KCNT2: variants seen among roughly 807,000 people sequenced by gnomAD.
The protein encoded by KCNT2 is potassium sodium-activated channel subfamily T member 2.
A neutral mutation model predicts 153.8 loss-of-function variants in KCNT2; 67 were observed. The observed-to-expected ratio is 0.44, with a 90% confidence interval of 0.36 to 0.53. The LOEUF (loss-of-function observed/expected upper bound fraction) is 0.53, where lower values mean the gene tolerates loss of function less well. KCNT2 is among the 20% of genes least tolerant of loss of function. The pLI, the probability that KCNT2 is intolerant of heterozygous loss-of-function variation, is 0.00. For missense variants in KCNT2, 975 were observed against 1,354.8 expected (o/e 0.72, Z 4.40); for synonymous variants, 500 against 458.8 (o/e 1.09, Z -1.15).
At chr1:196,401,445 G>C (rs1459838751) in intron 12 of KCNT2, among the ~76,000 whole-genome samples, 2 of 151,668 alleles carry the variant, frequency 1.3e-5, no homozygotes, top group East Asian at 1.9e-4. Flanking sequence ...CTAGAACTAT[G>C]ATCAGTAATG....
intron 19 of KCNT2, among the ~76,000 whole-genome samples, chr1:196,325,400 G>A (rs141975298): frequency 2.0e-5 from 3 of 152,190 alleles, no homozygotes; most frequent in African/African-American, 4.8e-5. Context: ...TCAGGGCAAT[G>A]TACTCATCAT....
chr1:196,313,915 T>G (rs1662445298), intron 21 of KCNT2, among the ~76,000 whole-genome samples: 1 of 151,608 alleles, frequency 6.6e-6, no homozygotes, highest in Admixed American at 6.6e-5. Context: ...AGCCTAATAG[T>G]TAAGGTATCC....
intron 5 of KCNT2, among the ~76,000 whole-genome samples, chr1:196,469,409 G>A (rs901090303): frequency 3.9e-5 from 6 of 152,170 alleles, no homozygotes; most frequent in Non-Finnish European, 8.8e-5. Context: ...ACAATTTGAA[G>A]TTTTACTTAC....
At chr1:196,579,843 C>A (rs1210157448) in intron 1 of KCNT2, among the ~76,000 whole-genome samples, 1 of 152,060 alleles carries the variant, frequency 6.6e-6, no homozygotes, top group Non-Finnish European at 1.5e-5. Flanking sequence ...CATGAAATAT[C>A]AGAAAAGTGG....
chr1:196,305,151 T>C, intron 22 of KCNT2, 83 bp downstream of exon 22: 2 of 801,260 alleles, frequency 2.5e-6, no homozygotes, highest in Non-Finnish European at 2.1e-6. Flanking sequence ...TACTATCTCA[T>C]GGCATTTTTT....
intron 22 of KCNT2, among the ~76,000 whole-genome samples, chr1:196,300,608 T>G (rs1443457531): frequency 6.6e-6 from 1 of 152,018 alleles, no homozygotes; most frequent in Non-Finnish European, 1.5e-5. Context: ...CTAAGTCACC[T>G]CCCTAATTTA....
At chr1:196,454,321 C>T (rs983434837) in intron 8 of KCNT2, among the ~76,000 whole-genome samples, 31 of 151,906 alleles carry the variant, frequency 2.0e-4, no homozygotes, top group Admixed American at 1.9e-3. Flanking sequence ...ATCCCATCAT[C>T]CAGATAGTGA....
chr1:196,319,940 A>G (rs982218613), intron 19 of KCNT2, among the ~76,000 whole-genome samples: 5 of 151,806 alleles, frequency 3.3e-5, no homozygotes, highest in African/African-American at 1.2e-4. Context: ...ATCTAAAGCA[A>G]TGGGTACTAA....
Position 196,555,731 on chromosome 1 carries a change from T to A in KCNT2, c.95+52484A>T, listed in dbSNP as rs546879828. ...AAATAACAAACCTGAAAGAATCACA[T>A]GACCTGATTCAAATTATACTGCAAA... On this transcript the variant is annotated intron_variant, in intron 1 of 27. Coordinates refer to ENST00000294725, the MANE Select transcript of KCNT2 (RefSeq NM_198503.5). Among the ~76,000 whole-genome samples, 4 of 151,510 alleles carry A rather than the reference T, an allele frequency of 2.6e-5. No homozygotes were observed. The East Asian group carries it at 7.8e-4, about 29-fold the overall frequency.
intron 13 of KCNT2, among the ~76,000 whole-genome samples, chr1:196,385,540 A>C (rs1490945366): frequency 6.6e-6 from 1 of 152,134 alleles, no homozygotes. Flanking sequence ...ACTCATTAAA[A>C]AATCGCCAAA....
chr1:196,335,114 G>A (rs760220673), intron 16 of KCNT2, among the ~76,000 whole-genome samples: 14 of 152,164 alleles, frequency 9.2e-5, no homozygotes, highest in Non-Finnish European at 1.5e-4. Flanking sequence ...AGAAAATAAC[G>A]ATGAAAGGCA....
chr1:196,468,055 T>C (rs1677767580), intron 6 of KCNT2, among the ~76,000 whole-genome samples: 1 of 152,118 alleles, frequency 6.6e-6, no homozygotes, highest in South Asian at 2.1e-4. Flanking sequence ...AATTATATCA[T>C]TGAATCTTTT....
At position 196,303,915 on chromosome 1, in the gene KCNT2, T is replaced by G. The variant is rs368613112; in HGVS notation, c.2595+1319A>C. ...TGATTATTTGGTTTGCTTTCAAGTC[T>G]GAGTCAATTTAGCCCTGCTTGCCAT... On this transcript the variant is annotated intron_variant, in intron 22 of 27. Transcript: ENST00000294725. Among the ~76,000 whole-genome samples the G allele has an allele frequency of 4.6e-5, 7 of 152,306 alleles. No homozygotes were observed. In the East Asian group the frequency reaches 9.7e-4, roughly 21 times the overall value.
intron 6 of KCNT2, among the ~76,000 whole-genome samples, chr1:196,468,621 T>C (rs561137919): frequency 5.3e-4 from 81 of 152,154 alleles, no homozygotes; most frequent in Admixed American, 4.8e-3. Flanking sequence ...CAGATAGATA[T>C]TTTCAACGTA....
At chr1:196,584,605 C>G (rs1662450947) in intron 1 of KCNT2, among the ~76,000 whole-genome samples, 1 of 152,028 alleles carries the variant, frequency 6.6e-6, no homozygotes, top group Non-Finnish European at 1.5e-5. Flanking sequence ...AGAAAGAGTA[C>G]AGATGAATGA....
chr1:196,436,681 G>T (rs1674689356), intron 8 of KCNT2, among the ~76,000 whole-genome samples: 1 of 150,906 alleles, frequency 6.6e-6, no homozygotes, highest in Non-Finnish European at 1.5e-5. Context: ...AATGAATTTT[G>T]GTGAGTTCTT....
At chr1:196,473,081 G>A (rs147477503) in intron 5 of KCNT2, among the ~76,000 whole-genome samples, 35 of 152,292 alleles carry the variant, frequency 2.3e-4, no homozygotes, top group South Asian at 4.1e-4. Flanking sequence ...TATATTCACT[G>A]CTTAGAACAT....
At chr1:196,565,656 A>T (rs879590201) in intron 1 of KCNT2, among the ~76,000 whole-genome samples, 4 of 150,912 alleles carry the variant, frequency 2.7e-5, no homozygotes, top group African/African-American at 9.7e-5. Context: ...ATGAAATACT[A>T]TAATTTGGGA....
chr1:196,229,468 C>T (rs1653762549), intron 27 of KCNT2, among the ~76,000 whole-genome samples: 1 of 151,986 alleles, frequency 6.6e-6, no homozygotes, highest in African/African-American at 2.4e-5. Context: ...TCTGTATTCC[C>T]CAAGACACAA....
Sources: allele counts gnomAD v4.1 joint callset (sites outside exome capture counted in the v4.1 genomes callset), GRCh38; gene constraint gnomAD v4.1.1; transcripts MANE v1.5; gene names NCBI Gene and HGNC (gene_info 2026-07-23, HGNC 2026-07-21).